TPTE: variants seen among roughly 807,000 people sequenced by gnomAD.
TPTE encodes the protein transmembrane phosphatase with tensin homology.
Under a neutral mutation model 84.1 loss-of-function variants are expected in TPTE, and 59 were observed. The observed-to-expected ratio is 0.70, with a 90% CI of 0.57 to 0.87. The LOEUF (loss-of-function observed/expected upper bound fraction) is 0.87. TPTE is among the 40% of genes least tolerant of loss of function. The pLI, the probability that TPTE is intolerant of heterozygous loss-of-function variation, is 0.00. For synonymous variants in TPTE, 130 were observed against 223.5 expected (o/e 0.58, Z 3.73); for missense variants, 382 against 659.6 (o/e 0.58, Z 4.61).
At chr21:10,550,003 A>G (rs1419106318) in intron 7 of TPTE, among the ~76,000 whole-genome samples, 3 of 152,308 alleles carry the variant, frequency 2.0e-5, no homozygotes, top group Non-Finnish European at 2.9e-5. Context: ...AGAGAATGGG[A>G]TGATACATTC....
intron 21 of TPTE, 64 bp from the exon 22 acceptor site, chr21:10,601,987 TAAGTGAA>T: frequency 4.0e-6 from 6 of 1,513,834 alleles, no homozygotes; most frequent in Non-Finnish European, 1.8e-6. Flanking sequence ...GAAGTCATGA[TAAGTGAA>T]AAGGAACTTC....
chr21:10,550,018 T>C (rs2074543535), intron 7 of TPTE, among the ~76,000 whole-genome samples: 1 of 152,304 alleles, frequency 6.6e-6, no homozygotes, highest in Non-Finnish European at 1.5e-5. Context: ...ACATTCGAAG[T>C]TCTGAAAGAA....
At chr21:10,561,876 GC>G (rs1167551501) in intron 10 of TPTE, among the ~76,000 whole-genome samples, 3 of 152,418 alleles carry the variant, frequency 2.0e-5, no homozygotes, top group African/African-American at 4.8e-5. Context: ...GAGCCCCAGG[GC>G]CTTCAGTAAA....
chr21:10,602,196 A>G (rs747430711), intron 22 of TPTE, 46 bp downstream of exon 22: 1 of 1,585,820 alleles, frequency 6.3e-7, no homozygotes, highest in East Asian at 2.2e-5. Flanking sequence ...TGTCTGGTCT[A>G]ATGATTTCAT....
intron 8 of TPTE, among the ~76,000 whole-genome samples, chr21:10,558,190 A>G (rs1378942601): frequency 2.0e-5 from 3 of 152,422 alleles, no homozygotes; most frequent in East Asian, 1.9e-4. Flanking sequence ...TGTCTTTGCT[A>G]TTGTAAATAG....
intron 8 of TPTE, among the ~76,000 whole-genome samples, chr21:10,555,582 C>G (rs543558486): frequency 6.6e-6 from 1 of 152,304 alleles, no homozygotes; most frequent in African/African-American, 2.4e-5. Flanking sequence ...CCTTTAATTT[C>G]AAAGTTATCT....
chr21:10,599,860 C>CTTTTTTTT, intron 21 of TPTE, among the ~76,000 whole-genome samples: 1 of 147,058 alleles, frequency 6.8e-6, no homozygotes, highest in Non-Finnish European at 1.5e-5. Flanking sequence ...TCTTCCTTTC[C>CTTTTTTTT]TTTTTTTTTT....
intron 21 of TPTE, among the ~76,000 whole-genome samples, chr21:10,601,197 T>C (rs1978455175): frequency 6.6e-6 from 1 of 152,302 alleles, no homozygotes; most frequent in Non-Finnish European, 1.5e-5. Context: ...TTTTTAAAAG[T>C]GCGGCACTTT....
chr21:10,522,072 C>A (rs1342268643), intron 1 of TPTE, among the ~76,000 whole-genome samples: 1 of 151,826 alleles, frequency 6.6e-6, no homozygotes, highest in Non-Finnish European at 1.5e-5. Flanking sequence ...CCCGCCCGCG[C>A]CAGCCGGGGC....
chr21:10,533,475 C>G (rs1267955536), intron 3 of TPTE, among the ~76,000 whole-genome samples: 2 of 152,308 alleles, frequency 1.3e-5, no homozygotes, highest in Non-Finnish European at 2.9e-5. Context: ...TTGTATTCCT[C>G]AGATATCTAA....
intron 1 of TPTE, among the ~76,000 whole-genome samples, chr21:10,522,782 G>C (rs1233145558): frequency 6.6e-6 from 1 of 152,308 alleles, no homozygotes; most frequent in Non-Finnish European, 1.5e-5. Context: ...GGTACAATGT[G>C]ATGTTTCAGT....
intron 3 of TPTE, among the ~76,000 whole-genome samples, chr21:10,536,312 C>CA (rs1287977976): frequency 3.3e-5 from 5 of 152,284 alleles, no homozygotes; most frequent in Non-Finnish European, 5.9e-5. Context: ...TAGTGATATA[C>CA]ACATGAATAT....
chr21:10,551,442 A>AG lies in TPTE; in HGVS notation c.174-1214dup, dbSNP rs138034919. On this transcript the variant is annotated intron_variant, in intron 7 of 23. Transcript: ENST00000618007. ...CTAGAACTTAAAGTATAAAAAAAAA[A>AG]GTATATTTTTAGCAATAAATGCCTG... Among the ~76,000 whole-genome samples, 69 of 152,360 alleles carry AG rather than the reference A, an allele frequency of 4.5e-4. No individual in the cohort carries two copies. In the East Asian group the frequency reaches 0.013, roughly 28 times the overall value.
intron 3 of TPTE, among the ~76,000 whole-genome samples, chr21:10,538,134 G>GA (rs2145606750): frequency 6.6e-6 from 1 of 152,426 alleles, no homozygotes; most frequent in South Asian, 2.1e-4. Context: ...GGAGAGTAGT[G>GA]AAGACCTCAG....
chr21:10,548,185 C>A (rs550269969), intron 7 of TPTE, among the ~76,000 whole-genome samples: 1 of 152,308 alleles, frequency 6.6e-6, no homozygotes, highest in Non-Finnish European at 1.5e-5. Context: ...GTCTCAGGGC[C>A]GAGAAACAAC....
At chr21:10,562,041 G>GTC (rs2074816198) in intron 10 of TPTE, among the ~76,000 whole-genome samples, 2 of 152,420 alleles carry the variant, frequency 1.3e-5, no homozygotes, top group East Asian at 3.9e-4. Context: ...AGAACAGAGA[G>GTC]AGAGACTCTG....
intron 17 of TPTE, among the ~76,000 whole-genome samples, chr21:10,586,342 C>T (rs1462749541): frequency 1.3e-5 from 2 of 152,244 alleles, no homozygotes; most frequent in African/African-American, 2.4e-5. Context: ...AATATACTTC[C>T]TTATTTCCAA....
rs1232564013 is a variant in TPTE at position 10,596,563 on chromosome 21, T to C, written c.1276+476T>C. Among the ~76,000 whole-genome samples, 58 of 152,248 alleles carry C rather than the reference T, an allele frequency of 3.8e-4. No individual in the cohort carries two copies. The South Asian group carries it at 0.011, about 30-fold the overall frequency. ...ATCACCCTGGGCTCTCCCTTTCCCC[T>C]CTCTCCTCCATCTGTAACCCTCTCA... On this transcript the variant is annotated intron_variant, in intron 20 of 23. Transcript: ENST00000618007.
At position 10,570,523 on chromosome 21, in the gene TPTE, C is replaced by A. The variant is rs753759047; in HGVS notation, c.769C>A (p.Gln257Lys). ...TATGTCATTTCCATCTTCTGGAAGG[C>A]AGTCTTTCTATAGAAATCCAATCAA... ...IAMSFPSSGR[Q>K]SFYRNPIKEV... The change falls in exon 14 of 24, where the codon CAG becomes AAG. Residue 257 changes from glutamine (Q) to lysine (K), a missense_variant. By Grantham distance (53) the Gln-to-Lys change is moderately conservative. Coordinates refer to ENST00000618007, the MANE Select transcript of TPTE (RefSeq NM_199261.4). 1 of 1,614,156 alleles carries A rather than the reference C, an allele frequency of 6.2e-7. No individual in the cohort carries two copies. Among genetic ancestry groups the A allele is most frequent in the African/African-American group, 1.3e-5 (1 of 75,080 alleles).
Sources: allele counts gnomAD v4.1 joint callset (sites outside exome capture counted in the v4.1 genomes callset), GRCh38; gene constraint gnomAD v4.1.1; transcripts MANE v1.5; gene names NCBI Gene and HGNC (gene_info 2026-07-23, HGNC 2026-07-21).